ANXA8: variants seen among roughly 807,000 people sequenced by gnomAD.
The protein encoded by ANXA8 is annexin A8, also known as VAC-beta.
In ANXA8, 9 loss-of-function variants were observed where a neutral mutation model predicts 26.8. The ratio of observed to expected loss-of-function variants is 0.34; its 90% CI spans 0.20 to 0.59. The LOEUF (loss-of-function observed/expected upper bound fraction) is 0.59. Ranked by LOEUF, ANXA8 falls within the 20% of genes least tolerant of loss-of-function variation. The pLI is 0.84. For missense variants in ANXA8, 83 were observed against 238.5 expected, an observed-to-expected ratio of 0.35 and a Z score of 4.29; for synonymous variants, 39 against 94.8, an observed-to-expected ratio of 0.41 and a Z score of 3.42.
At chr10:47,982,413 C>G in the ANXA8 span, among the ~76,000 whole-genome samples, 1 of 150,520 alleles carries the variant, frequency 6.6e-6, no homozygotes, top group African/African-American at 2.4e-5. Flanking sequence ...CAATATTAAA[C>G]CTTCACATTT....
chr10:47,632,012 A>T, the ANXA8 span, among the ~76,000 whole-genome samples: 1 of 152,228 alleles, frequency 6.6e-6, no homozygotes, highest in South Asian at 2.1e-4. Context: ...CTTAAAGATT[A>T]GGTTGATAAA....
chr10:47,603,315 G>A, the ANXA8 span, among the ~76,000 whole-genome samples: 1 of 149,442 alleles, frequency 6.7e-6, no homozygotes, highest in East Asian at 1.9e-4. Flanking sequence ...AGAAAGAAAT[G>A]AGTTCATAAT....
At chr10:47,527,897 AGAAG>A in the ANXA8 span, among the ~76,000 whole-genome samples, 2 of 149,292 alleles carry the variant, frequency 1.3e-5, no homozygotes, top group Non-Finnish European at 3.0e-5. Context: ...AGGTTAGAAG[AGAAG>A]GAAGAACTAA....
chr10:47,925,879 A>AT, the ANXA8 span, among the ~76,000 whole-genome samples: 3 of 128,672 alleles, frequency 2.3e-5, no homozygotes, highest in African/African-American at 8.6e-5. Context: ...ATGTGGTCAT[A>AT]TTTTTTGTGA....
At chr10:47,568,888 G>A in the ANXA8 span, among the ~76,000 whole-genome samples, 1 of 31,192 alleles carries the variant, frequency 3.2e-5, no homozygotes, top group South Asian at 1.3e-3. Context: ...TTTGCAGTGA[G>A]CCGAGATCAT....
chr10:47,487,132 C>A (rs1450016956), upstream of ANXA8: 2 of 1,408,362 alleles, frequency 1.4e-6, no homozygotes, highest in Non-Finnish European at 1.9e-6. Context: ...TAAGTGTACA[C>A]CATAAATATG....
chr10:47,485,904 C>A (rs1327075199), upstream of ANXA8, among the ~76,000 whole-genome samples: 2 of 151,738 alleles, frequency 1.3e-5, no homozygotes, highest in Non-Finnish European at 2.9e-5. Context: ...GTCAGGAGAT[C>A]GAGACCATCC....
chr10:47,688,264 T>G, the ANXA8 span, among the ~76,000 whole-genome samples: 1 of 148,126 alleles, frequency 6.8e-6, no homozygotes, highest in South Asian at 2.2e-4. Flanking sequence ...CCAGCTAATT[T>G]TAAGAAATTT....
At chr10:47,502,744 C>T in the ANXA8 span, 1 of 1,592,238 alleles carries the variant, frequency 6.3e-7, no homozygotes, top group South Asian at 1.1e-5. Context: ...CATGGCCTCA[C>T]TCTGGCTGGT....
chr10:47,750,909 A>G, the ANXA8 span: 8 of 151,476 alleles, frequency 5.3e-5, no homozygotes, highest in African/African-American at 9.7e-5. Context: ...GTTTGGTTTG[A>G]CATTCAACAG....
At chr10:47,985,769 T>G in the ANXA8 span, 52,345 of 149,718 alleles carry the variant, frequency 0.35, 9,041 homozygotes, top group South Asian at 0.51. Context: ...CGCAATTACT[T>G]TCGCACCAAC....
chr10:47,681,833 GCGTGGCCAAATT>G, the ANXA8 span, among the ~76,000 whole-genome samples: 3 of 121,348 alleles, frequency 2.5e-5, no homozygotes, highest in Non-Finnish European at 5.1e-5. Context: ...GAGCCACCGT[GCGTGGCCAAATT>G]CTGGCCTTTT....
At chr10:47,692,915 A>C in the ANXA8 span, among the ~76,000 whole-genome samples, 1 of 150,930 alleles carries the variant, frequency 6.6e-6, no homozygotes, top group African/African-American at 2.4e-5. Flanking sequence ...TTGTATTTTT[A>C]GTAGAGACGG....
the ANXA8 span, among the ~76,000 whole-genome samples, chr10:47,918,371 GAGAGAGAGAGAGAGAAAGAA>G: frequency 1.1e-4 from 2 of 18,838 alleles, 1 homozygote; most frequent in Non-Finnish European, 1.9e-4. Flanking sequence ...GAGAGAGAGA[GAGAGAGAGAGAGAGAAAGAA>G]AGAAAGAAAG....
At chr10:47,552,124 T>C in the ANXA8 span, among the ~76,000 whole-genome samples, 19 of 151,772 alleles carry the variant, frequency 1.3e-4, no homozygotes, top group Admixed American at 6.6e-4. Flanking sequence ...CTCTCTGTTA[T>C]GCTATAAATT....
chr10:47,970,076 G>A, the ANXA8 span: 1 of 151,472 alleles, frequency 6.6e-6, no homozygotes, highest in African/African-American at 2.4e-5. Flanking sequence ...AAGCTGAAAG[G>A]ACCCTTTTAA....
chr10:47,734,414 G>A, the ANXA8 span, among the ~76,000 whole-genome samples: 1 of 144,908 alleles, frequency 6.9e-6, no homozygotes, highest in Non-Finnish European at 1.5e-5. Flanking sequence ...TGAGGCTTTT[G>A]GTCTTTGCAG....
chr10:47,958,045 A>G, the ANXA8 span, among the ~76,000 whole-genome samples: 1 of 150,428 alleles, frequency 6.6e-6, no homozygotes, highest in African/African-American at 2.5e-5. Context: ...AGGAGTTTGG[A>G]CCCAGACCAA....
At chr10:47,530,598 C>A in the ANXA8 span, among the ~76,000 whole-genome samples, 1 of 151,054 alleles carries the variant, frequency 6.6e-6, no homozygotes, top group Non-Finnish European at 1.5e-5. Flanking sequence ...GAGGCTGAGG[C>A]AGGAGAATCC....
Sources: allele counts gnomAD v4.1 joint callset (sites outside exome capture counted in the v4.1 genomes callset), GRCh38; gene constraint gnomAD v4.1.1; transcripts MANE v1.5; gene names NCBI Gene and HGNC (gene_info 2026-07-23, HGNC 2026-07-21).